DCAF12: variants seen among roughly 807,000 people sequenced by gnomAD.
DCAF12 encodes DDB1- and CUL4-associated factor 12.
In DCAF12, 28 loss-of-function variants were observed where a neutral mutation model predicts 52.8. The ratio of observed to expected loss-of-function variants is 0.53; its 90% CI spans 0.39 to 0.73. The LOEUF is 0.73. Among genes scored for constraint, DCAF12 ranks in the 30% least tolerant of loss-of-function variants. DCAF12 has a pLI of 0.00. For synonymous variants in DCAF12, 196 were observed against 215.5 expected (o/e 0.91, Z 0.79); for missense variants, 425 against 552.2 (o/e 0.77, Z 2.31).
intron 5 of DCAF12, among the ~76,000 whole-genome samples, chr9:34,097,797 G>A (rs962696401): frequency 6.6e-6 from 1 of 152,082 alleles, no homozygotes; most frequent in African/African-American, 2.4e-5. Context: ...GCCATGTGTA[G>A]CGGTGCATGC....
intron 6 of DCAF12, among the ~76,000 whole-genome samples, chr9:34,095,353 G>A (rs1026596456): frequency 3.5e-5 from 5 of 141,220 alleles, no homozygotes; most frequent in African/African-American, 7.9e-5. Context: ...GATTATAGGC[G>A]TGAACCACCG....
intron 3 of DCAF12, 106 bp downstream of exon 3, chr9:34,107,253 G>A: frequency 9.3e-7 from 1 of 1,072,570 alleles, no homozygotes; most frequent in African/African-American, 1.6e-5. Context: ...TGCCCTATGG[G>A]GAGTCCAGTC....
At chr9:34,101,049 A>G (rs967629413) in intron 4 of DCAF12, among the ~76,000 whole-genome samples, 3 of 142,850 alleles carry the variant, frequency 2.1e-5, no homozygotes, top group Non-Finnish European at 4.5e-5. Flanking sequence ...CACAGGGACC[A>G]CAAACCCTCC....
intron 3 of DCAF12, among the ~76,000 whole-genome samples, chr9:34,107,008 G>A (rs545268569): frequency 6.6e-5 from 10 of 152,236 alleles, no homozygotes; most frequent in Middle Eastern, 6.8e-3. Context: ...CCCTCCACTA[G>A]AATGTAGGCT....
In DCAF12 at chr9:34,126,471, G is replaced by T. The variant is rs1454125569; in HGVS notation, c.-40C>A. On this transcript the variant is annotated 5_prime_UTR_variant, in exon 1 of 9. Transcript: ENST00000361264. ...CCGCGGCCCCGCAGCCACATGGGGCGGGGGAAGCGAAGGATAGCAGGACGG... is the reference window on the plus strand; with the variant it reads ...CCGCGGCCCCGCAGCCACATGGGGCTGGGGAAGCGAAGGATAGCAGGACGG... The T allele has an allele frequency of 1.3e-6, 2 of 1,590,770 alleles. No individual in the cohort carries two copies. The highest frequency in any genetic ancestry group is 1.1e-5 in the South Asian group (1 of 89,490).
At chr9:34,094,607 T>G (rs1587731450) in intron 6 of DCAF12, among the ~76,000 whole-genome samples, 1 of 149,162 alleles carries the variant, frequency 6.7e-6, no homozygotes, top group Admixed American at 6.7e-5. Flanking sequence ...CTCAGCTCAC[T>G]GCAAGCTCCA....
chr9:34,101,659 A>G (rs1338539468), intron 4 of DCAF12, among the ~76,000 whole-genome samples: 2 of 143,014 alleles, frequency 1.4e-5, no homozygotes, highest in African/African-American at 2.6e-5. Flanking sequence ...CCCAAAGTGC[A>G]AGGATTACAG....
intron 2 of DCAF12, among the ~76,000 whole-genome samples, chr9:34,109,005 GTT>G (rs373695590): frequency 0.094 from 12,936 of 137,650 alleles, 854 homozygotes; most frequent in Non-Finnish European, 0.13. Flanking sequence ...TATATATATG[GTT>G]TTTTTTTTTT....
intron 7 of DCAF12, among the ~76,000 whole-genome samples, chr9:34,091,882 C>G (rs905163037): frequency 6.6e-6 from 1 of 152,026 alleles, no homozygotes; most frequent in Non-Finnish European, 1.5e-5. Flanking sequence ...CTAGCTGTTC[C>G]CCCATCAAGC....
chr9:34,125,602 T>C (rs1829236860), intron 1 of DCAF12: 2 of 484,144 alleles, frequency 4.1e-6, no homozygotes, highest in South Asian at 3.1e-5. Context: ...GTGATTCCCA[T>C]ACCGACATGG....
In DCAF12 at chr9:34,125,281, T is replaced by C; in HGVS notation, c.79-4A>G. 1 of 1,613,520 alleles carries C rather than the reference T, an allele frequency of 6.2e-7. No homozygotes were observed. Among genetic ancestry groups the C allele is most frequent in the Non-Finnish European group, 8.5e-7 (1 of 1,179,782 alleles). On this transcript the variant is annotated splice_polypyrimidine_tract_variant and splice_region_variant and intron_variant, in intron 1 of 8. Transcript: ENST00000361264. Reference sequence around the variant, plus strand: ...GAAGCGAGTGATCCCAGCCAAACTGTGGAAACAACATTAGAAATCAGGGCT... The same window carrying C: ...GAAGCGAGTGATCCCAGCCAAACTGCGGAAACAACATTAGAAATCAGGGCT...
chr9:34,105,323 G>C (rs1402648298), intron 4 of DCAF12, among the ~76,000 whole-genome samples: 2 of 152,062 alleles, frequency 1.3e-5, no homozygotes, highest in East Asian at 3.9e-4. Context: ...CACTTTGGGA[G>C]GCTGAGGCAG....
chr9:34,119,142 AG>A (rs1467260174), intron 2 of DCAF12, among the ~76,000 whole-genome samples: 1 of 152,154 alleles, frequency 6.6e-6, no homozygotes, highest in Non-Finnish European at 1.5e-5. Context: ...GACTAAGAGG[AG>A]CAACTCCTTT....
In DCAF12 at chr9:34,106,258, A is replaced by G. The variant is rs1828902314; in HGVS notation, c.601+176T>C. On this transcript the variant is annotated intron_variant, in intron 4 of 8. Coordinates refer to ENST00000361264, the MANE Select transcript of DCAF12 (RefSeq NM_015397.4). ...CAAGTATGCAGTACCACACTCAACTAATTTAAATTCTTGGGCTCAAGTGAT... is the reference window on the plus strand; with the variant it reads ...CAAGTATGCAGTACCACACTCAACTGATTTAAATTCTTGGGCTCAAGTGAT... Among the ~76,000 whole-genome samples the G allele has an allele frequency of 2.0e-5, 3 of 149,320 alleles. No individual in the cohort carries two copies. In the South Asian group the frequency reaches 6.4e-4, roughly 32 times the overall value.
chr9:34,098,831 C>T (rs950282909), intron 4 of DCAF12, among the ~76,000 whole-genome samples: 8 of 151,730 alleles, frequency 5.3e-5, no homozygotes, highest in Admixed American at 1.3e-4. Context: ...TGCAGTGGTG[C>T]GATCTCAGCT....
chr9:34,117,871 G>T (rs1048781598), intron 2 of DCAF12, among the ~76,000 whole-genome samples: 19 of 152,056 alleles, frequency 1.2e-4, no homozygotes, highest in African/African-American at 4.6e-4. Flanking sequence ...CCGAGATCGC[G>T]CCATCACACT....
chr9:34,094,955 T>A (rs1828712443), intron 6 of DCAF12, among the ~76,000 whole-genome samples: 1 of 152,214 alleles, frequency 6.6e-6, no homozygotes, highest in Admixed American at 6.5e-5. Context: ...TTTTATGCAA[T>A]ATTTTAAATA....
intron 2 of DCAF12, among the ~76,000 whole-genome samples, chr9:34,122,342 C>A (rs1168016879): frequency 9.9e-5 from 15 of 152,112 alleles, no homozygotes. Flanking sequence ...AAATGACTGC[C>A]AAATCATTAA....
rs1245327290 is a variant in DCAF12, at chr9:34,100,450, G to A, written c.602-1933C>T. ...CCTGACCTCGTGATCCACCTGCCTCGGCCTCCCAAAGTGCTGGGATTACAG... is the reference window on the plus strand; with the variant it reads ...CCTGACCTCGTGATCCACCTGCCTCAGCCTCCCAAAGTGCTGGGATTACAG... On this transcript the variant is annotated intron_variant, in intron 4 of 8. Transcript: ENST00000361264. Among the ~76,000 whole-genome samples the A allele has an allele frequency of 8.0e-5, 12 of 150,574 alleles. 1 individual carries two copies. The highest frequency in any genetic ancestry group is 2.9e-4 in the African/African-American group (12 of 40,944).
Sources: gnomAD v4.1 joint callset for allele counts (sites outside exome capture counted in the v4.1 genomes callset) on GRCh38, gnomAD v4.1.1 for gene constraint, MANE v1.5 for transcripts, NCBI Gene and HGNC (gene_info 2026-07-23, HGNC 2026-07-21) for gene names.